CTDSPL2: variants seen among roughly 807,000 people sequenced by gnomAD.
CTDSPL2 encodes the protein CTD small phosphatase-like protein 2.
In CTDSPL2, 5 loss-of-function variants were observed where a neutral mutation model predicts 60.0. The ratio of observed to expected loss-of-function variants is 0.08; its 90% CI spans 0.04 to 0.18. CTDSPL2 has a LOEUF of 0.18. CTDSPL2 is among the 10% of genes least tolerant of loss of function. The pLI is 1.00. For missense variants in CTDSPL2, 370 were observed against 548.8 expected, an observed-to-expected ratio of 0.67 and a Z score of 3.26; for synonymous variants, 186 against 189.3, an observed-to-expected ratio of 0.98 and a Z score of 0.14.
At chr15:44,469,835 C>T (rs548240558) in intron 2 of CTDSPL2, among the ~76,000 whole-genome samples, 3 of 152,230 alleles carry the variant, frequency 2.0e-5, no homozygotes, top group Admixed American at 6.5e-5. Context: ...CGGTGGCTCA[C>T]GCCTGTAATC....
Position 44,514,121 on chromosome 15 carries a change from A to T in CTDSPL2, c.970-477A>T, listed in dbSNP as rs1426632677. On this transcript the variant is annotated intron_variant, in intron 8 of 12. Coordinates refer to ENST00000260327, the MANE Select transcript of CTDSPL2 (RefSeq NM_016396.3). ...ATCCAGACGTCTCCTTTTGAATATA[A>T]TTTACCTTGATATAAATTTAAAATA... is the stretch of plus-strand genomic sequence containing the variant. Among the ~76,000 whole-genome samples, 4 of 152,322 alleles carry T rather than the reference A, an allele frequency of 2.6e-5. No homozygotes were observed. The East Asian group carries it at 7.7e-4, about 29-fold the overall frequency.
chr15:44,475,878 T>C (rs2080906249), intron 2 of CTDSPL2, among the ~76,000 whole-genome samples: 1 of 152,156 alleles, frequency 6.6e-6, no homozygotes, highest in Admixed American at 6.5e-5. Context: ...AGGGAAGATA[T>C]CTTTATCATG....
At chr15:44,432,047 T>G (rs968064601) in intron 1 of CTDSPL2, among the ~76,000 whole-genome samples, 1 of 151,758 alleles carries the variant, frequency 6.6e-6, no homozygotes, top group Non-Finnish European at 1.5e-5. Context: ...TTTTATGCAC[T>G]GGCTGTGATT....
chr15:44,524,060 T>C (rs763860207), intron 12 of CTDSPL2, 49 bp from the exon 13 acceptor site: 1 of 1,393,498 alleles, frequency 7.2e-7, no homozygotes, highest in South Asian at 1.2e-5. Flanking sequence ...ATGAGGATCA[T>C]ATCTTTGAAA....
At chr15:44,484,499 C>A in intron 3 of CTDSPL2, 137 bp downstream of exon 3, 1 of 809,222 alleles carries the variant, frequency 1.2e-6, no homozygotes. Context: ...TTTTGGGAGG[C>A]CGAGGTCGGC....
intron 1 of CTDSPL2, among the ~76,000 whole-genome samples, chr15:44,455,985 G>T (rs1416760382): frequency 6.6e-6 from 1 of 150,888 alleles, no homozygotes; most frequent in Non-Finnish European, 1.5e-5. Context: ...CGAGTAGCTG[G>T]GACTACAGGC....
intron 5 of CTDSPL2, 48 bp from the exon 6 acceptor site, chr15:44,496,332 T>C (rs775446285): frequency 8.4e-7 from 1 of 1,188,574 alleles, no homozygotes; most frequent in Non-Finnish European, 1.2e-6. Context: ...ATATATTTCA[T>C]GAAGCATTAA....
At chr15:44,504,210 C>T (rs1440343312) in intron 8 of CTDSPL2, among the ~76,000 whole-genome samples, 5 of 152,004 alleles carry the variant, frequency 3.3e-5, no homozygotes, top group African/African-American at 4.8e-5. Flanking sequence ...ATTAGCCGGG[C>T]GTGGTGGCAG....
intron 1 of CTDSPL2, among the ~76,000 whole-genome samples, chr15:44,451,288 G>A (rs2080330185): frequency 6.6e-6 from 1 of 151,694 alleles, no homozygotes; most frequent in Non-Finnish European, 1.5e-5. Flanking sequence ...TTTATTTTTT[G>A]TAGAGACTGG....
At chr15:44,521,661 G>A (rs1391119282) in intron 12 of CTDSPL2, among the ~76,000 whole-genome samples, 8 of 152,152 alleles carry the variant, frequency 5.3e-5, no homozygotes, top group South Asian at 4.1e-4. Context: ...ATGATGGGCC[G>A]GGCGCGGTGG....
intron 2 of CTDSPL2, among the ~76,000 whole-genome samples, chr15:44,481,503 A>G (rs1472038916): frequency 1.3e-5 from 2 of 152,292 alleles, no homozygotes; most frequent in South Asian, 2.1e-4. Flanking sequence ...TGAATTTGAT[A>G]TTCTCTTCAT....
Position 44,484,245 on chromosome 15 carries a change from A to G in CTDSPL2, c.208A>G (p.Lys70Glu). 6.2e-7 allele frequency: 1 copy of G among 1,611,636 alleles called. No homozygotes were observed. ...TPKEERENPSKRSRIERDIDN... is the reference protein window; with the variant it reads ...TPKEERENPSERSRIERDIDN... ...TAAGGAAGAGAGAGAAAATCCTTCA[A>G]AACGGAGTAGAATTGAACGTGATAT... Residue 70 changes from lysine (K) to glutamate (E), a missense_variant, in exon 3 of 13, where the codon AAA (lysine) becomes GAA (glutamate). Lys to Glu is a moderately conservative substitution (Grantham distance 56). Coordinates refer to ENST00000260327, the MANE Select transcript of CTDSPL2 (RefSeq NM_016396.3).
intron 4 of CTDSPL2, among the ~76,000 whole-genome samples, chr15:44,489,327 C>T (rs536378646): frequency 5.9e-5 from 9 of 152,160 alleles, no homozygotes; most frequent in African/African-American, 2.2e-4. Context: ...AATGAGGGAT[C>T]AAGGATACTG....
intron 2 of CTDSPL2, among the ~76,000 whole-genome samples, chr15:44,465,252 T>C (rs1250680841): frequency 6.6e-6 from 1 of 152,216 alleles, no homozygotes; most frequent in Non-Finnish European, 1.5e-5. Context: ...ATTTCTAATA[T>C]GTAATTGAAG....
chr15:44,455,838 G>GCTTT (rs2080424543), intron 1 of CTDSPL2, among the ~76,000 whole-genome samples: 1 of 119,766 alleles, frequency 8.3e-6, no homozygotes, highest in African/African-American at 3.2e-5. Context: ...TTTTATTGAG[G>GCTTT]ATTTTTTTTT....
rs574765243 is a variant in CTDSPL2, at chr15:44,462,849, G to A, written c.186+3649G>A. Reference sequence around the variant, plus strand: ...GCATCCCAAGTAGCTGGAACTATAGGTGTGTGCCACCATGCCCAGCTAATT... The same window carrying A: ...GCATCCCAAGTAGCTGGAACTATAGATGTGTGCCACCATGCCCAGCTAATT... On this transcript the variant is annotated intron_variant, in intron 2 of 12. Transcript: ENST00000260327. 4.0e-5 allele frequency among the ~76,000 whole-genome samples: 6 copies of A among 151,614 alleles called. No homozygotes were observed. In the East Asian group the frequency reaches 9.8e-4, roughly 25 times the overall value.
intron 1 of CTDSPL2, among the ~76,000 whole-genome samples, chr15:44,444,379 C>G (rs2080158706): frequency 6.6e-6 from 1 of 151,298 alleles, no homozygotes; most frequent in Non-Finnish European, 1.5e-5. Context: ...GGACCTTACT[C>G]TGTCACCCAG....
At chr15:44,477,585 C>T (rs1047215058) in intron 2 of CTDSPL2, among the ~76,000 whole-genome samples, 6 of 151,446 alleles carry the variant, frequency 4.0e-5, no homozygotes, top group Non-Finnish European at 8.8e-5. Context: ...GCCTGTAATC[C>T]CACCACTTTG....
chr15:44,456,881 T>TTTTTTTTTTTTTTTTTG (rs2080457745), intron 1 of CTDSPL2, among the ~76,000 whole-genome samples: 2 of 146,114 alleles, frequency 1.4e-5, no homozygotes, highest in African/African-American at 5.2e-5. Flanking sequence ...TTTTTTTGTT[T>TTTTTTTTTTTTTTTTTG]TTTTTTCTTT....
Sources: allele counts gnomAD v4.1 joint callset (sites outside exome capture counted in the v4.1 genomes callset), GRCh38; gene constraint gnomAD v4.1.1; transcripts MANE v1.5; gene names NCBI Gene and HGNC (gene_info 2026-07-23, HGNC 2026-07-21).